Variants in GRM8 observed in about 807,000 individuals in gnomAD.
The protein encoded by GRM8 is glutamate metabotropic receptor 8.
A neutral mutation model predicts 87.2 loss-of-function variants in GRM8; 47 were observed. The observed-to-expected ratio is 0.54, with a 90% CI of 0.43 to 0.69. The LOEUF is 0.69. Ranked by LOEUF, GRM8 falls within the 30% of genes least tolerant of loss-of-function variation. The probability of loss-of-function intolerance (pLI) is 0.00; values close to 1 mark genes in which losing one functional copy is unlikely to be tolerated. For missense variants in GRM8, 1,019 were observed against 1,139.2 expected, an observed-to-expected ratio of 0.89 and a Z score of 1.52; for synonymous variants, 396 against 404.5, an observed-to-expected ratio of 0.98 and a Z score of 0.25.
At chr7:126,761,495 C>A (rs554087122) in intron 7 of GRM8, among the ~76,000 whole-genome samples, 85 of 152,210 alleles carry the variant, frequency 5.6e-4, no homozygotes, top group Non-Finnish European at 7.8e-4. Flanking sequence ...ATTGTGACTA[C>A]TGGAACTATC....
chr7:126,476,851 TA>T (rs60074943), intron 9 of GRM8, among the ~76,000 whole-genome samples: 22,980 of 147,596 alleles, frequency 0.16, 1,855 homozygotes, highest in South Asian at 0.18. Context: ...CTCAAAAAAA[TA>T]AAAAAAAAAC....
intron 6 of GRM8, among the ~76,000 whole-genome samples, chr7:126,839,821 G>A (rs1451289476): frequency 1.3e-5 from 2 of 152,052 alleles, no homozygotes; most frequent in Non-Finnish European, 2.9e-5. Context: ...ACCTTACTGG[G>A]GAGCTCAAGA....
intron 2 of GRM8, among the ~76,000 whole-genome samples, chr7:127,192,445 G>C (rs1405714157): frequency 1.3e-5 from 2 of 152,172 alleles, no homozygotes; most frequent in African/African-American, 4.8e-5. Context: ...GCAATTTGTG[G>C]TCTCAGATTC....
At position 126,757,130 on chromosome 7, in the gene GRM8, G is replaced by T. The variant is rs1264046626; in HGVS notation, c.1357+12735C>A. Among the ~76,000 whole-genome samples, 5 of 152,242 alleles carry T rather than the reference G, an allele frequency of 3.3e-5. No homozygotes were observed. In the East Asian group the frequency reaches 7.7e-4, roughly 23 times the overall value. On this transcript the variant is annotated intron_variant, in intron 7 of 10. Coordinates refer to ENST00000339582, the MANE Select transcript of GRM8 (RefSeq NM_000845.3). ...ATTGAATCTAACATTAATAGAGACAGATAATGGTAGAAATATATTTTATCT... is the reference window on the plus strand; with the variant it reads ...ATTGAATCTAACATTAATAGAGACATATAATGGTAGAAATATATTTTATCT...
intron 6 of GRM8, among the ~76,000 whole-genome samples, chr7:126,776,878 A>C (rs982971868): frequency 6.6e-6 from 1 of 152,130 alleles, no homozygotes; most frequent in African/African-American, 2.4e-5. Flanking sequence ...CTTATTTCTA[A>C]CTGCTTCCTC....
chr7:126,611,954 G>T (rs1798956257), intron 7 of GRM8, among the ~76,000 whole-genome samples: 2 of 152,256 alleles, frequency 1.3e-5, no homozygotes, highest in East Asian at 1.9e-4. Context: ...GTATTAAGGT[G>T]CAATATTCTA....
intron 2 of GRM8, among the ~76,000 whole-genome samples, chr7:127,137,481 G>T (rs1828008361): frequency 6.6e-6 from 1 of 152,024 alleles, no homozygotes; most frequent in African/African-American, 2.4e-5. Flanking sequence ...ACTTATATTT[G>T]GTAATTGCAG....
rs201279417 is a variant in GRM8, at chr7:126,646,262, AGAAGGAAGGAAGGAAGGAAGGAAG to A, written c.1358-36788_1358-36765del. Among the ~76,000 whole-genome samples the A allele has an allele frequency of 5.8e-5, 8 of 137,834 alleles. No homozygotes were observed. The South Asian group carries it at 7.1e-4, about 12-fold the overall frequency. The allele number at this position is 137,834 out of a possible 152,430, so 90.4% of individuals were successfully genotyped here. On this transcript the variant is annotated intron_variant, in intron 7 of 10. Coordinates refer to ENST00000339582, the MANE Select transcript of GRM8 (RefSeq NM_000845.3). ...AGAAAAGGAAGAGAGAAGGAGGGAAAGAAGGAAGGAAGGAAGGAAGGAAGGAAGGAAGGAAGGAAGGAAAGAAGG... is the reference window on the plus strand; with the variant it reads ...AGAAAAGGAAGAGAGAAGGAGGGAAAGAAGGAAGGAAGGAAGGAAAGAAGG...
At chr7:126,718,363 C>A (rs1019611618) in intron 7 of GRM8, among the ~76,000 whole-genome samples, 2 of 152,074 alleles carry the variant, frequency 1.3e-5, no homozygotes, top group African/African-American at 4.8e-5. Context: ...AGTGTTTATA[C>A]CTGACTATTT....
intron 9 of GRM8, among the ~76,000 whole-genome samples, chr7:126,489,050 A>C (rs518): frequency 1.3e-5 from 2 of 151,968 alleles, no homozygotes; most frequent in Admixed American, 1.3e-4. Context: ...CAATGCAGCC[A>C]TATATAGTGG....
At chr7:126,659,229 G>A (rs1332367741) in intron 7 of GRM8, among the ~76,000 whole-genome samples, 2 of 151,972 alleles carry the variant, frequency 1.3e-5, no homozygotes, top group Non-Finnish European at 2.9e-5. Context: ...CACCCTGACC[G>A]ATCTCCTACA....
At chr7:126,455,572 T>C (rs1803137113) in intron 9 of GRM8, among the ~76,000 whole-genome samples, 1 of 151,784 alleles carries the variant, frequency 6.6e-6, no homozygotes, top group African/African-American at 2.4e-5. Context: ...CAGCTCTGGC[T>C]TTCTTATAAT....
At chr7:126,780,671 G>A (rs1819964412) in intron 6 of GRM8, among the ~76,000 whole-genome samples, 1 of 100,792 alleles carries the variant, frequency 9.9e-6, no homozygotes, top group Non-Finnish European at 2.0e-5. Flanking sequence ...TACAAGGAGT[G>A]AGGCTCAGCC....
chr7:127,019,104 A>C (rs1815996159), intron 3 of GRM8, among the ~76,000 whole-genome samples: 1 of 152,062 alleles, frequency 6.6e-6, no homozygotes, highest in African/African-American at 2.4e-5. Context: ...CAAAAATAGA[A>C]ACCATTTCAA....
intron 3 of GRM8, among the ~76,000 whole-genome samples, chr7:126,974,478 T>A (rs962732089): frequency 1.8e-4 from 27 of 152,110 alleles, no homozygotes; most frequent in Non-Finnish European, 2.8e-4. Context: ...AAAATTTATC[T>A]TAAAAAAGTT....
intron 8 of GRM8, among the ~76,000 whole-genome samples, chr7:126,589,340 T>A (rs954077097): frequency 1.3e-5 from 2 of 152,106 alleles, no homozygotes; most frequent in Non-Finnish European, 2.9e-5. Context: ...GGGTGAGGCC[T>A]GTAACTGTCG....
chr7:127,150,102 C>G (rs1828772836), intron 2 of GRM8, among the ~76,000 whole-genome samples: 1 of 152,038 alleles, frequency 6.6e-6, no homozygotes, highest in Non-Finnish European at 1.5e-5. Context: ...TTTTTACTAT[C>G]CACATGTATC....
chr7:127,130,652 G>A (rs1827638494), intron 2 of GRM8, among the ~76,000 whole-genome samples: 1 of 152,210 alleles, frequency 6.6e-6, no homozygotes, highest in African/African-American at 2.4e-5. Flanking sequence ...AAAAAGGCAT[G>A]AGATTTGGGA....
At chr7:126,560,802 G>A (rs148731026) in intron 8 of GRM8, among the ~76,000 whole-genome samples, 36 of 152,198 alleles carry the variant, frequency 2.4e-4, no homozygotes, top group Non-Finnish European at 4.7e-4. Flanking sequence ...CTATTCAATA[G>A]AAATGAATCA....
Sources: allele counts gnomAD v4.1 joint callset (sites outside exome capture counted in the v4.1 genomes callset), GRCh38; gene constraint gnomAD v4.1.1; transcripts MANE v1.5; gene names NCBI Gene and HGNC (gene_info 2026-07-23, HGNC 2026-07-21).